The following PCCA variants were observed in gnomAD, a reference collection of about 807,000 sequenced individuals.
PCCA encodes the protein propionyl-CoA carboxylase subunit alpha.
PCCA carries 74 observed loss-of-function variants against 101.3 expected under a neutral mutation model. The ratio of observed to expected loss-of-function variants is 0.73; its 90% CI spans 0.61 to 0.89. PCCA has a LOEUF of 0.89. Ranked by LOEUF, PCCA falls within the 40% of genes least tolerant of loss-of-function variation. The pLI, the probability that PCCA is intolerant of heterozygous loss-of-function variation, is 0.00. For missense variants in PCCA, 891 were observed against 907.0 expected, an observed-to-expected ratio of 0.98 and a Z score of 0.23; for synonymous variants, 294 against 313.6, an observed-to-expected ratio of 0.94 and a Z score of 0.66.
intron 21 of PCCA, among the ~76,000 whole-genome samples, chr13:100,510,787 A>G (rs2086422786): frequency 6.6e-6 from 1 of 152,212 alleles, no homozygotes; most frequent in Non-Finnish European, 1.5e-5. Context: ...ATCCTGATTG[A>G]CAGCTACCTT....
chr13:100,095,545 A>G (rs2046690078), intron 1 of PCCA, among the ~76,000 whole-genome samples: 1 of 152,160 alleles, frequency 6.6e-6, no homozygotes, highest in South Asian at 2.1e-4. Flanking sequence ...TGGGGATGTT[A>G]CCTAATGAGA....
intron 19 of PCCA, among the ~76,000 whole-genome samples, chr13:100,404,767 T>C (rs529018390): frequency 1.6e-4 from 24 of 152,296 alleles, no homozygotes; most frequent in South Asian, 6.2e-4. Flanking sequence ...CTTACCCACG[T>C]AACGCCCTAT....
intron 21 of PCCA, among the ~76,000 whole-genome samples, chr13:100,480,642 G>A (rs929161887): frequency 2.0e-5 from 3 of 152,086 alleles, no homozygotes; most frequent in Non-Finnish European, 2.9e-5. Flanking sequence ...AGTGAAACTA[G>A]ATTAAACCAA....
At chr13:100,141,697 A>G (rs1031970821) in intron 4 of PCCA, among the ~76,000 whole-genome samples, 1 of 152,116 alleles carries the variant, frequency 6.6e-6, no homozygotes, top group African/African-American at 2.4e-5. Context: ...ACAGGCGTGA[A>G]CCACCACACC....
At chr13:100,476,259 T>C (rs1479617159) in intron 21 of PCCA, among the ~76,000 whole-genome samples, 2 of 152,126 alleles carry the variant, frequency 1.3e-5, no homozygotes, top group African/African-American at 2.4e-5. Context: ...ATATTTTTTA[T>C]ACATTACTGG....
intron 4 of PCCA, among the ~76,000 whole-genome samples, chr13:100,140,280 C>T (rs527476530): frequency 6.6e-6 from 1 of 152,118 alleles, no homozygotes; most frequent in African/African-American, 2.4e-5. Context: ...TTTTACCTGC[C>T]CTCTTGAGAC....
At chr13:100,321,658 A>G (rs2068059252) in intron 16 of PCCA, among the ~76,000 whole-genome samples, 1 of 151,364 alleles carries the variant, frequency 6.6e-6, no homozygotes, top group Non-Finnish European at 1.5e-5. Flanking sequence ...TCTATAATAT[A>G]TATATATGTA....
chr13:100,108,183 A>C (rs781779580), intron 2 of PCCA, among the ~76,000 whole-genome samples: 12 of 152,160 alleles, frequency 7.9e-5, no homozygotes, highest in African/African-American at 1.4e-4. Context: ...AGGGATAGAG[A>C]GAGAATGGGT....
chr13:100,342,878 C>T (rs1195940763), intron 18 of PCCA, among the ~76,000 whole-genome samples: 10 of 151,728 alleles, frequency 6.6e-5, no homozygotes, highest in South Asian at 4.2e-4. Flanking sequence ...CATACCACCA[C>T]GCCTGGCTAA....
chr13:100,161,560 T>C (rs2054472742), intron 6 of PCCA: 1 of 152,208 alleles, frequency 6.6e-6, no homozygotes, highest in Non-Finnish European at 1.5e-5. Flanking sequence ...ATTCTGAAGT[T>C]AGCAAGTTTG....
intron 19 of PCCA, among the ~76,000 whole-genome samples, chr13:100,400,706 A>G (rs1350212934): frequency 7.0e-6 from 1 of 142,364 alleles, no homozygotes; most frequent in Non-Finnish European, 1.5e-5. Flanking sequence ...GCTCACTGCA[A>G]CCTCCACCCA....
chr13:100,096,826 C>T (rs540474772), intron 1 of PCCA, among the ~76,000 whole-genome samples: 5 of 152,268 alleles, frequency 3.3e-5, no homozygotes, highest in East Asian at 3.9e-4. Flanking sequence ...TTCAGTTCTG[C>T]GAAGGCTGAG....
intron 4 of PCCA, among the ~76,000 whole-genome samples, chr13:100,145,245 A>T (rs1292780678): frequency 6.6e-6 from 1 of 152,254 alleles, no homozygotes; most frequent in South Asian, 2.1e-4. Flanking sequence ...ATAGGTTCTC[A>T]ACAGTGGCAT....
chr13:100,234,646 A>G (rs1052637767), intron 7 of PCCA, among the ~76,000 whole-genome samples: 2 of 65,032 alleles, frequency 3.1e-5, no homozygotes, highest in African/African-American at 1.8e-4. Context: ...AAGAACTTTA[A>G]AGAAGATTTT....
chr13:100,309,946 TG>T (rs1566912151), intron 16 of PCCA, 38 bp downstream of exon 16: 1 of 1,422,712 alleles, frequency 7.0e-7, no homozygotes, highest in Non-Finnish European at 9.9e-7. Context: ...TTATTGTATA[TG>T]GTGTCCAGTT....
intron 21 of PCCA, among the ~76,000 whole-genome samples, chr13:100,470,654 A>AAAAAAT (rs2082933645): frequency 6.6e-6 from 1 of 152,108 alleles, no homozygotes; most frequent in South Asian, 2.1e-4. Flanking sequence ...TGTCTCTGCA[A>AAAAAAT]AAAAATAAAA....
chr13:100,339,048 T>G lies in PCCA; in HGVS notation c.1541-1109T>G, dbSNP rs372648999. On this transcript the variant is annotated intron_variant, in intron 17 of 23. Coordinates refer to ENST00000376285, the MANE Select transcript of PCCA (RefSeq NM_000282.4). Reference sequence around the variant, plus strand: ...TGTGGGTGATTGGTTCTAGGACCCTTTCAGGTACAAAAATCCACAGAAGCT... The same window carrying G: ...TGTGGGTGATTGGTTCTAGGACCCTGTCAGGTACAAAAATCCACAGAAGCT... Among the ~76,000 whole-genome samples, 150 of 152,204 alleles carry G rather than the reference T, an allele frequency of 9.9e-4. 4 individuals carry two copies. In the South Asian group the frequency reaches 0.028, roughly 29 times the overall value.
intron 4 of PCCA, among the ~76,000 whole-genome samples, chr13:100,122,030 A>G (rs1441619363): frequency 6.6e-6 from 1 of 152,216 alleles, no homozygotes; most frequent in African/African-American, 2.4e-5. Context: ...GTTAATTGCT[A>G]TTCCTAGTTT....
At position 100,381,895 on chromosome 13, in the gene PCCA, T is replaced by C. The variant is rs553489642; in HGVS notation, c.1746+13321T>C. Among the ~76,000 whole-genome samples, 9 of 152,314 alleles carry C rather than the reference T, an allele frequency of 5.9e-5. No homozygotes were observed. In the South Asian group the frequency reaches 1.7e-3, roughly 28 times the overall value. ...TGGGTGCAGGAACCAGAGCAAGTGC[T>C]TTTGGGCGCCAGCAGGAGCGAACTC... On this transcript the variant is annotated intron_variant, in intron 19 of 23. Coordinates refer to ENST00000376285, the MANE Select transcript of PCCA (RefSeq NM_000282.4).
Sources: allele counts gnomAD v4.1 joint callset (sites outside exome capture counted in the v4.1 genomes callset), GRCh38; gene constraint gnomAD v4.1.1; transcripts MANE v1.5; gene names NCBI Gene and HGNC (gene_info 2026-07-23, HGNC 2026-07-21).